Variants in CHRM3 observed in about 807,000 individuals in gnomAD.
The protein encoded by CHRM3 is cholinergic receptor muscarinic 3, also known as muscarinic acetylcholine receptor M3.
In CHRM3, 11 loss-of-function variants were observed where a neutral mutation model predicts 41.8. The observed-to-expected ratio is 0.26, with a 90% CI of 0.17 to 0.44. The LOEUF (loss-of-function observed/expected upper bound fraction) is 0.44. CHRM3 is among the 20% of genes least tolerant of loss of function. The pLI is 1.00. For missense variants in CHRM3, 571 were observed against 745.4 expected (o/e 0.77, Z 2.72); for synonymous variants, 297 against 301.4 (o/e 0.99, Z 0.15).
At chr1:239,681,590 C>T (rs1353348219) in intron 5 of CHRM3, among the ~76,000 whole-genome samples, 2 of 152,072 alleles carry the variant, frequency 1.3e-5, no homozygotes, top group South Asian at 2.1e-4. Flanking sequence ...GTAACTGAGA[C>T]CAATAAAGAT....
intron 2 of CHRM3, among the ~76,000 whole-genome samples, chr1:239,523,662 C>T (rs991207371): frequency 3.9e-5 from 6 of 151,958 alleles, no homozygotes; most frequent in African/African-American, 1.2e-4. Flanking sequence ...CACAACAGAA[C>T]CAGGAACAAA....
At chr1:239,451,402 A>T (rs1197687406) in intron 1 of CHRM3, among the ~76,000 whole-genome samples, 1 of 152,184 alleles carries the variant, frequency 6.6e-6, no homozygotes, top group Non-Finnish European at 1.5e-5. Context: ...CAGGTCAAGA[A>T]TATGGAGAGC....
chr1:239,736,624 C>A (rs527427773), intron 5 of CHRM3, among the ~76,000 whole-genome samples: 1 of 152,068 alleles, frequency 6.6e-6, no homozygotes, highest in South Asian at 2.1e-4. Flanking sequence ...TTATAGCCTA[C>A]GTTTGAAACT....
chr1:239,658,497 C>T (rs1313004199), intron 4 of CHRM3, among the ~76,000 whole-genome samples: 2 of 152,170 alleles, frequency 1.3e-5, no homozygotes, highest in Non-Finnish European at 2.9e-5. Context: ...CAATTGCATG[C>T]TGTAACTTAG....
chr1:239,643,106 G>C (rs1671371994), intron 4 of CHRM3, among the ~76,000 whole-genome samples: 1 of 152,184 alleles, frequency 6.6e-6, no homozygotes, highest in Non-Finnish European at 1.5e-5. Flanking sequence ...GAATCCTGCT[G>C]TCTGATCGTT....
chr1:239,860,904 G>A lies in CHRM3; in HGVS notation c.-20+33526G>A, dbSNP rs929488465. Among the ~76,000 whole-genome samples, 15 of 152,246 alleles carry A rather than the reference G, an allele frequency of 9.9e-5. No homozygotes were observed. The South Asian group carries it at 3.1e-3, about 32-fold the overall frequency. On this transcript the variant is annotated intron_variant, in intron 6 of 6. Coordinates refer to ENST00000676153, the MANE Select transcript of CHRM3 (RefSeq NM_001375978.1). ...TTTAAATACCCTTTAATCCCTATCA[G>A]TTGTAGTCATTATATCTATTTTTTT... is the stretch of plus-strand genomic sequence containing the variant.
At chr1:239,599,799 T>C (rs1030940957) in intron 3 of CHRM3, among the ~76,000 whole-genome samples, 3 of 152,214 alleles carry the variant, frequency 2.0e-5, no homozygotes, top group African/African-American at 7.2e-5. Flanking sequence ...ATATCTCATG[T>C]AATTTATTGA....
At chr1:239,388,705 A>G (rs961090712) in intron 1 of CHRM3, among the ~76,000 whole-genome samples, 1 of 152,220 alleles carries the variant, frequency 6.6e-6, no homozygotes, top group African/African-American at 2.4e-5. Flanking sequence ...CGAGGTGTTG[A>G]GTGCACCCTC....
chr1:239,699,893 G>A (rs1469508500), intron 5 of CHRM3, among the ~76,000 whole-genome samples: 3 of 151,990 alleles, frequency 2.0e-5, no homozygotes, highest in Admixed American at 6.6e-5. Context: ...TAGACTATCC[G>A]AACTATATTT....
chr1:239,427,498 T>G (rs1176817072), intron 1 of CHRM3, among the ~76,000 whole-genome samples: 3 of 152,022 alleles, frequency 2.0e-5, no homozygotes, highest in Non-Finnish European at 2.9e-5. Context: ...GGAAGGAGCC[T>G]GGGGAATATA....
At chr1:239,705,206 C>CA (rs572270632) in intron 5 of CHRM3, 346 of 151,424 alleles carry the variant, frequency 2.3e-3, no homozygotes, top group African/African-American at 7.7e-3. Context: ...GACCCCGACT[C>CA]AAAAAAAACA....
intron 3 of CHRM3, among the ~76,000 whole-genome samples, chr1:239,589,319 A>G (rs77404522): frequency 0.019 from 2,886 of 152,014 alleles, 80 homozygotes; most frequent in African/African-American, 0.065. Context: ...ACCAAATTTA[A>G]TATCTACTAC....
intron 1 of CHRM3, among the ~76,000 whole-genome samples, chr1:239,430,572 A>G (rs2103166876): frequency 6.6e-6 from 1 of 152,212 alleles, no homozygotes; most frequent in South Asian, 2.1e-4. Context: ...ATAACTGGCT[A>G]AACAGTAAAC....
intron 2 of CHRM3, among the ~76,000 whole-genome samples, chr1:239,532,382 C>T (rs1472953332): frequency 1.3e-5 from 2 of 149,302 alleles, no homozygotes; most frequent in African/African-American, 2.4e-5. Context: ...AATCCCAGCA[C>T]TTCAGGAGGC....
At chr1:239,766,169 G>A (rs141988345) in intron 5 of CHRM3, among the ~76,000 whole-genome samples, 1 of 152,174 alleles carries the variant, frequency 6.6e-6, no homozygotes, top group African/African-American at 2.4e-5. Flanking sequence ...AGATAAGAAA[G>A]AAGAAATGGC....
intron 3 of CHRM3, among the ~76,000 whole-genome samples, chr1:239,561,571 T>C (rs1433062898): frequency 1.3e-5 from 2 of 151,934 alleles, no homozygotes; most frequent in Admixed American, 1.3e-4. Flanking sequence ...TTTTCTTCTC[T>C]TCATAAAGAA....
intron 1 of CHRM3, among the ~76,000 whole-genome samples, chr1:239,464,434 C>T (rs952215561): frequency 1.1e-4 from 16 of 152,112 alleles, no homozygotes; most frequent in South Asian, 6.2e-4. Context: ...TTACTTCCCG[C>T]GACTGGGAAT....
chr1:239,790,556 C>A (rs1346510379), intron 5 of CHRM3, among the ~76,000 whole-genome samples: 1 of 152,176 alleles, frequency 6.6e-6, no homozygotes, highest in Non-Finnish European at 1.5e-5. Flanking sequence ...GCCTCCCCAG[C>A]CATGTAGAAC....
Position 239,581,251 on chromosome 1 carries a change from A to G in CHRM3, c.-313+35502A>G, listed in dbSNP as rs544858052. Among the ~76,000 whole-genome samples the G allele has an allele frequency of 6.6e-5, 10 of 152,256 alleles. 1 individual carries two copies. The East Asian group carries it at 1.2e-3, about 18-fold the overall frequency. ...TTATAGATTTATCTATAGATTATAG[A>G]AAAGTTATTTTCTTTAAACTTCTAA... is the stretch of plus-strand genomic sequence containing the variant. On this transcript the variant is annotated intron_variant, in intron 3 of 6. Coordinates refer to ENST00000676153, the MANE Select transcript of CHRM3 (RefSeq NM_001375978.1).
Sources: gnomAD v4.1 joint callset for allele counts (sites outside exome capture counted in the v4.1 genomes callset) on GRCh38, gnomAD v4.1.1 for gene constraint, MANE v1.5 for transcripts, NCBI Gene and HGNC (gene_info 2026-07-23, HGNC 2026-07-21) for gene names.